Variants in ZNF267 observed in about 807,000 individuals in gnomAD.
ZNF267 encodes zinc finger (C2H2).
ZNF267 carries 61 observed loss-of-function variants against 71.6 expected under a neutral mutation model. The observed-to-expected ratio is 0.85, with a 90% CI of 0.69 to 1.05. The LOEUF (loss-of-function observed/expected upper bound fraction) is 1.05, where lower values mean the gene tolerates loss of function less well. Among genes scored for constraint, ZNF267 ranks in the 50% least tolerant of loss-of-function variants. ZNF267 has a pLI of 0.00. For synonymous variants in ZNF267, 288 were observed against 293.2 expected (o/e 0.98, Z 0.18); for missense variants, 852 against 870.0 (o/e 0.98, Z 0.26).
rs1394269899 is a variant in ZNF267, at chr16:31,914,621, G to A, written c.372G>A (p.Gly124=). Reference sequence around the variant, plus strand: ...GGTGGAAAAGGGAGGAGTGTGAAGGGCACAATGGATGTTATGATGAAAAGA... The same window carrying A: ...GGTGGAAAAGGGAGGAGTGTGAAGGACACAATGGATGTTATGATGAAAAGA... ...RKRWKREECE[G]HNGCYDEKTF... is the part of the protein sequence containing the mutation. The change falls in exon 4 of 4, where the codon GGG becomes GGA. Residue 124 remains glycine (G), a synonymous_variant. Transcript: ENST00000300870. The A allele has an allele frequency of 1.2e-6, 2 of 1,614,056 alleles. No individual in the cohort carries two copies. Among genetic ancestry groups the A allele is most frequent in the Non-Finnish European group, 1.7e-6 (2 of 1,180,006 alleles).
intron 3 of ZNF267, among the ~76,000 whole-genome samples, chr16:31,901,869 C>T (rs2084044369): frequency 6.6e-6 from 1 of 152,182 alleles, no homozygotes; most frequent in African/African-American, 2.4e-5. Context: ...AGTCCTTGCC[C>T]ATGCCTATGT....
Position 31,873,855 on chromosome 16 carries a change from GAGGCCC to G in ZNF267, c.-107_-102del. On this transcript the variant is annotated 5_prime_UTR_variant, in exon 1 of 4. Coordinates refer to ENST00000300870, the MANE Select transcript of ZNF267 (RefSeq NM_003414.6). ...CACAGCTCCGAGTCTTTCGTTCTGG[GAGGCCC>G]AGGCGGCTTCGCGTTCTGAGAATAA... 6.8e-7 allele frequency: 1 copy of G among 1,461,708 alleles called. No individual in the cohort carries two copies. Among genetic ancestry groups the G allele is most frequent in the South Asian group, 1.1e-5 (1 of 87,068 alleles). 90.5% of individuals were successfully genotyped at this position (1,461,708 alleles called of 1,614,324 possible).
Position 31,887,526 on chromosome 16 carries a change from T to C in ZNF267, c.226+2270T>C, listed in dbSNP as rs533538277. Among the ~76,000 whole-genome samples the C allele has an allele frequency of 7.4e-4, 113 of 152,324 alleles. 1 individual carries two copies. The highest frequency in any genetic ancestry group is 2.6e-3 in the African/African-American group (109 of 41,584). On this transcript the variant is annotated intron_variant, in intron 3 of 3. Coordinates refer to ENST00000300870, the MANE Select transcript of ZNF267 (RefSeq NM_003414.6). ...TTTGTTCTAGAAGTTATACAGTTTC[T>C]GGTTTTGCATTTAAGTGTTAATTCT... is the stretch of plus-strand genomic sequence containing the variant.
intron 3 of ZNF267, among the ~76,000 whole-genome samples, chr16:31,896,177 GT>G (rs2083996878): frequency 3.0e-5 from 1 of 33,104 alleles, no homozygotes; most frequent in Non-Finnish European, 2.4e-4. Context: ...CACCCAGCTA[GT>G]TTAAAACATT....
rs183588326 is a variant in ZNF267 at position 31,915,557 on chromosome 16, T to C, written c.1308T>C (p.Tyr436=). ...GAATTCATACTGGAGAGAAACCTTA[T>C]AAATGTAAAGAATGTGGAAAAGCTT... ...HKRIHTGEKP[Y]KCKECGKAFN... The change falls in exon 4 of 4, where the codon TAT becomes TAC. Residue 436 remains tyrosine, a synonymous_variant. Coordinates refer to ENST00000300870, the MANE Select transcript of ZNF267 (RefSeq NM_003414.6). The C allele has an allele frequency of 5.0e-6, 8 of 1,612,954 alleles. No homozygotes were observed. The highest frequency in any genetic ancestry group is 1.3e-5 in the African/African-American group (1 of 74,886).
At chr16:31,914,417 G>T in intron 3 of ZNF267, 59 bp from the exon 4 acceptor site, 1 of 1,409,956 alleles carries the variant, frequency 7.1e-7, no homozygotes, top group Non-Finnish European at 9.5e-7. Context: ...TATTAGATTT[G>T]TAAAATATAT....
At chr16:31,911,783 A>G (rs979719549) in intron 3 of ZNF267, 7 of 150,526 alleles carry the variant, frequency 4.7e-5, no homozygotes, top group African/African-American at 1.7e-4. Context: ...TCTTGGTGGT[A>G]TGATTTAATT....
At chr16:31,900,037 A>G (rs1011438225) in intron 3 of ZNF267, among the ~76,000 whole-genome samples, 2 of 151,218 alleles carry the variant, frequency 1.3e-5, no homozygotes, top group Admixed American at 6.6e-5. Flanking sequence ...GTGTTTATTT[A>G]TATATATATA....
chr16:31,915,088 T>C lies in ZNF267; in HGVS notation c.839T>C (p.Leu280Ser). Residue 280 changes from leucine (L) to serine (S), a missense_variant, in exon 4 of 4, where the codon TTA becomes TCA. Transcript: ENST00000300870. ...NKCVEVCTQS[L>S]KHIQHQTIHI... The stretch of plus-strand genomic sequence containing the variant: ...TGTGTAGAAGTTTGTACCCAGTCAT[T>C]AAAACATATTCAACATCAGACCATC... The C allele has an allele frequency of 6.2e-7, 1 of 1,613,604 alleles. No individual in the cohort carries two copies. The highest frequency in any genetic ancestry group is 1.7e-5 in the Admixed American group (1 of 59,974).
At chr16:31,874,031 AC>A in intron 1 of ZNF267, 62 bp downstream of exon 1, 1 of 1,587,460 alleles carries the variant, frequency 6.3e-7, no homozygotes, top group Non-Finnish European at 8.6e-7. Context: ...AGCGGCGGGA[AC>A]CCGCTGTAGG....
chr16:31,879,672 T>G lies in ZNF267; in HGVS notation c.4-4826T>G, dbSNP rs192947962. On this transcript the variant is annotated intron_variant, in intron 1 of 3. Coordinates refer to ENST00000300870, the MANE Select transcript of ZNF267 (RefSeq NM_003414.6). ...GAATGGTCTTTCTGCTTACTTGGGA[T>G]CTTCAGTCGCTTCTAGAATAGTTTG... Among the ~76,000 whole-genome samples, 142 of 152,328 alleles carry G rather than the reference T, an allele frequency of 9.3e-4. 1 individual carries two copies. In the South Asian group the frequency reaches 0.012, roughly 13 times the overall value.
intron 1 of ZNF267, among the ~76,000 whole-genome samples, chr16:31,881,168 G>C (rs1315557023): frequency 6.6e-6 from 1 of 152,194 alleles, no homozygotes; most frequent in Non-Finnish European, 1.5e-5. Flanking sequence ...TAAATTGCTT[G>C]TTGCATGTTA....
chr16:31,900,797 T>A (rs943744932), intron 3 of ZNF267, among the ~76,000 whole-genome samples: 28 of 149,820 alleles, frequency 1.9e-4, no homozygotes, highest in South Asian at 6.2e-4. Context: ...ATTTTTATTT[T>A]TTTATTTATT....
intron 3 of ZNF267, among the ~76,000 whole-genome samples, chr16:31,901,253 A>G (rs1419385467): frequency 6.6e-6 from 1 of 152,084 alleles, no homozygotes; most frequent in African/African-American, 2.4e-5. Context: ...TACTGCCACA[A>G]TAAACATACA....
Position 31,914,920 on chromosome 16 carries a change from CCTT to C in ZNF267, c.672_674del (p.Leu225del), listed in dbSNP as rs760283458. 1.6e-5 allele frequency: 25 copies of C among 1,611,748 alleles called. No homozygotes were observed. The East Asian group carries it at 3.6e-4, about 23-fold the overall frequency. ...TATCATTGCAATAATTCTGAAAAAA[CCTT>C]GAACCAAAGCTCAAGCCCTAAAAAT... is the stretch of plus-strand genomic sequence containing the variant. On this transcript the variant is annotated inframe_deletion, in exon 4 of 4. Transcript: ENST00000300870.
chr16:31,903,362 G>A (rs577305075), intron 3 of ZNF267, among the ~76,000 whole-genome samples: 13 of 152,290 alleles, frequency 8.5e-5, no homozygotes, highest in Admixed American at 7.2e-4. Context: ...CAGAAGGAAC[G>A]GTAGCAGCTC....
intron 3 of ZNF267, among the ~76,000 whole-genome samples, chr16:31,886,347 G>A (rs964502761): frequency 2.6e-5 from 4 of 152,148 alleles, no homozygotes; most frequent in African/African-American, 7.2e-5. Flanking sequence ...TGAGGAATCC[G>A]ATCACACAGC....
At chr16:31,899,240 C>A (rs1017542395) in intron 3 of ZNF267, among the ~76,000 whole-genome samples, 1 of 152,196 alleles carries the variant, frequency 6.6e-6, no homozygotes, top group African/African-American at 2.4e-5. Flanking sequence ...TTCTTCTTAG[C>A]ACCACATTGC....
chr16:31,878,769 T>A (rs1426415696), intron 1 of ZNF267, among the ~76,000 whole-genome samples: 2 of 152,120 alleles, frequency 1.3e-5, no homozygotes, highest in Non-Finnish European at 2.9e-5. Context: ...AGCCCCTTCT[T>A]TATGTGTACA....
Sources: allele counts gnomAD v4.1 joint callset (sites outside exome capture counted in the v4.1 genomes callset), GRCh38; gene constraint gnomAD v4.1.1; transcripts MANE v1.5; gene names NCBI Gene and HGNC (gene_info 2026-07-23, HGNC 2026-07-21).